Variants in NHS observed in about 807,000 individuals in gnomAD.
The protein encoded by NHS is NHS actin remodeling regulator, also known as actin remodeling regulator NHS.
Under a neutral mutation model 72.5 loss-of-function variants are expected in NHS, and 5 were observed. The ratio of observed to expected loss-of-function variants is 0.07; its 90% CI spans 0.04 to 0.14. The LOEUF is 0.14. Among genes scored for constraint, NHS ranks in the 10% least tolerant of loss-of-function variants. The pLI, the probability that NHS is intolerant of heterozygous loss-of-function variation, is 1.00. For missense variants in NHS, 1,072 were observed against 1,355.7 expected (o/e 0.79, Z 3.29); for synonymous variants, 464 against 547.7 (o/e 0.85, Z 2.13).
At chrX:17,572,491 C>CCTTT (rs1556011021) in intron 1 of NHS, among the ~76,000 whole-genome samples, 7 of 46,772 alleles carry the variant, frequency 1.5e-4, no homozygotes, top group African/African-American at 9.1e-4. Context: ...GCAACCCCTG[C>CCTTT]TTTTTTTTTT....
intron 1 of NHS, among the ~76,000 whole-genome samples, chrX:17,416,817 T>TGAGAGA (rs200059679): frequency 5.8e-5 from 6 of 103,437 alleles, no homozygotes; most frequent in African/African-American, 2.3e-4. Context: ...TGTGTGTGTG[T>TGAGAGA]GTGAGAGAGA....
At chrX:17,415,759 G>T in intron 1 of NHS, among the ~76,000 whole-genome samples, 1 of 112,015 alleles carries the variant, frequency 8.9e-6, no homozygotes. Context: ...AGTTGGAGAT[G>T]TCTGGACTGA....
chrX:17,490,627 G>A (rs1455822400), intron 1 of NHS, among the ~76,000 whole-genome samples: 1 of 112,109 alleles, frequency 8.9e-6, no homozygotes, highest in Non-Finnish European at 1.9e-5. Flanking sequence ...GGTTCCATAT[G>A]AAATTTAAAG....
At chrX:17,396,191 A>C (rs2064473595) in intron 1 of NHS, among the ~76,000 whole-genome samples, 1 of 112,327 alleles carries the variant, frequency 8.9e-6, no homozygotes, top group Admixed American at 9.5e-5. Context: ...TTTGATCATG[A>C]TCCACTATGA....
At chrX:17,599,279 C>A (rs2065638539) in intron 1 of NHS, among the ~76,000 whole-genome samples, 1 of 111,739 alleles carries the variant, frequency 8.9e-6, no homozygotes, top group Non-Finnish European at 1.9e-5. Context: ...AACAAATATT[C>A]TGCTTTCACA....
chrX:17,671,229 A>G (rs2066043322), intron 1 of NHS, among the ~76,000 whole-genome samples: 1 of 112,420 alleles, frequency 8.9e-6, no homozygotes, highest in Non-Finnish European at 1.9e-5. Context: ...GCAGATTCCA[A>G]GAGCTAATTT....
intron 1 of NHS, among the ~76,000 whole-genome samples, chrX:17,447,406 T>TC (rs879887120): frequency 1.8e-5 from 2 of 110,473 alleles, no homozygotes; most frequent in Admixed American, 9.7e-5. Flanking sequence ...ATTTTTTTTT[T>TC]CCCCCCTCTT....
intron 1 of NHS, chrX:17,552,383 A>G (rs771597566): frequency 3.6e-5 from 4 of 112,107 alleles, no homozygotes; most frequent in South Asian, 3.7e-4. Flanking sequence ...GTTTTCTCAC[A>G]GAGCACAAGG....
chrX:17,419,232 C>T (rs113757235), intron 1 of NHS, among the ~76,000 whole-genome samples: 1,644 of 112,537 alleles, frequency 0.015, 34 homozygotes, highest in African/African-American at 0.05. Context: ...AACTCTTCAA[C>T]GGCCTGCCGT....
At position 17,726,086 on chromosome X, in the gene NHS, T is replaced by C; in HGVS notation, c.1980T>C (p.Ser660=). 2 of 1,212,073 alleles carry C rather than the reference T, an allele frequency of 1.7e-6. No homozygotes were observed. Among genetic ancestry groups the C allele is most frequent in the Non-Finnish European group, 2.2e-6 (2 of 895,564 alleles). Residue 660 remains serine, a synonymous_variant, in exon 7 of 9, where the codon TCT becomes TCC. Coordinates refer to ENST00000676302, the MANE Select transcript of NHS (RefSeq NM_001291867.2). ...PPAASPPLTG[S]SHCDSELSLN... is the part of the protein sequence containing the mutation. ...CAGCTTCTCCTCCACTCACTGGCTC[T>C]TCACACTGTGACTCGGAGTTGTCAC...
intron 1 of NHS, among the ~76,000 whole-genome samples, chrX:17,467,290 G>A (rs747789282): frequency 8.9e-6 from 1 of 112,017 alleles, no homozygotes; most frequent in African/African-American, 3.2e-5. Flanking sequence ...ACTTACTAAG[G>A]GGAGTTCATC....
intron 1 of NHS, among the ~76,000 whole-genome samples, chrX:17,648,989 T>C (rs1208291936): frequency 8.9e-6 from 1 of 112,330 alleles, no homozygotes; most frequent in Non-Finnish European, 1.9e-5. Flanking sequence ...TTCATGGTGC[T>C]AGTTTCCTTC....
intron 1 of NHS, among the ~76,000 whole-genome samples, chrX:17,539,293 C>A (rs1262586020): frequency 9.1e-6 from 1 of 110,259 alleles, no homozygotes; most frequent in African/African-American, 3.3e-5. Context: ...AGCACACAAC[C>A]ACTCCCTTTC....
intron 1 of NHS, among the ~76,000 whole-genome samples, chrX:17,447,393 T>A (rs902711788): frequency 2.8e-5 from 3 of 107,804 alleles, no homozygotes; most frequent in African/African-American, 1.1e-4. Flanking sequence ...TGAGCGTTGG[T>A]TGATTTTTTT....
chrX:17,658,019 C>T (rs972377706), intron 1 of NHS, among the ~76,000 whole-genome samples: 1 of 112,686 alleles, frequency 8.9e-6, no homozygotes, highest in Non-Finnish European at 1.9e-5. Context: ...TGAAGGGGGC[C>T]GCCTCCAGCT....
chrX:17,623,466 T>A (rs2065783773), intron 1 of NHS, among the ~76,000 whole-genome samples: 1 of 110,665 alleles, frequency 9.0e-6, no homozygotes, highest in African/African-American at 3.3e-5. Flanking sequence ...CATTTGCATG[T>A]GCGTGTGGGA....
rs368930050 is a variant in NHS at position 17,433,598 on chromosome X, A to T, written c.565+57276A>T. ...CCTGGATGCCTAGAGGAAAGGTGGC[A>T]GGTCAAAGGGAGATGGATGCCAACT... is the stretch of plus-strand genomic sequence containing the variant. On this transcript the variant is annotated intron_variant, in intron 1 of 8. Transcript: ENST00000676302. Among the ~76,000 whole-genome samples, 15 of 111,376 alleles carry T rather than the reference A, an allele frequency of 1.3e-4. No homozygotes were observed. The East Asian group carries it at 3.1e-3, about 23-fold the overall frequency.
At chrX:17,691,630 G>C (rs910469721) in intron 2 of NHS, among the ~76,000 whole-genome samples, 5 of 111,688 alleles carry the variant, frequency 4.5e-5, no homozygotes, top group African/African-American at 1.6e-4. Context: ...ACATTGAATG[G>C]GGCAAAGAAA....
At chrX:17,477,255 A>G (rs1229341389) in intron 1 of NHS, among the ~76,000 whole-genome samples, 1 of 111,900 alleles carries the variant, frequency 8.9e-6, no homozygotes, top group Non-Finnish European at 1.9e-5. Flanking sequence ...TGGATATGTG[A>G]GTGAAAACCT....
Sources: gnomAD v4.1 joint callset for allele counts (sites outside exome capture counted in the v4.1 genomes callset) on GRCh38, gnomAD v4.1.1 for gene constraint, MANE v1.5 for transcripts, NCBI Gene and HGNC (gene_info 2026-07-23, HGNC 2026-07-21) for gene names.